FGFR2: variants seen among roughly 807,000 people sequenced by gnomAD.
The protein encoded by FGFR2 is BEK fibroblast growth factor receptor.
FGFR2 carries 19 observed loss-of-function variants against 95.9 expected under a neutral mutation model. The observed-to-expected ratio is 0.20, with a 90% confidence interval of 0.14 to 0.29. FGFR2 has a LOEUF of 0.29. Ranked by LOEUF, FGFR2 falls within the 10% of genes least tolerant of loss-of-function variation. The pLI, the probability that FGFR2 is intolerant of heterozygous loss-of-function variation, is 1.00. For missense variants in FGFR2, 707 were observed against 1,056.9 expected (o/e 0.67, Z 4.59); for synonymous variants, 392 against 393.3 (o/e 1.00, Z 0.04).
At position 121,518,942 on chromosome 10, in the gene FGFR2, C is replaced by A; in HGVS notation, c.939+1037G>T. On this transcript the variant is annotated intron_variant, in intron 7 of 17. Transcript: ENST00000358487. This position sits in a 1 kb window ranked among gnomAD's most constrained non-coding sequence, Gnocchi z 4.0. Reference sequence around the variant, plus strand: ...AACAAACTCCATTACGTCTAAACAGCGGCATTAAAGGGCTGCGGATTTTAA... The same window carrying A: ...AACAAACTCCATTACGTCTAAACAGAGGCATTAAAGGGCTGCGGATTTTAA... 3.0e-6 allele frequency: 4 copies of A among 1,332,636 alleles called. No homozygotes were observed. Among genetic ancestry groups the A allele is most frequent in the East Asian group, 2.3e-5 (1 of 42,840 alleles). The allele number at this position is 1,332,636 out of a possible 1,614,324, so 82.6% of individuals were successfully genotyped here.
intron 14 of FGFR2, among the ~76,000 whole-genome samples, chr10:121,487,652 C>T (rs1845594389): frequency 6.6e-6 from 1 of 152,214 alleles, no homozygotes; most frequent in Admixed American, 6.5e-5. Context: ...ATCTCCCTAG[C>T]ACACAGATGC....
intron 17 of FGFR2, chr10:121,481,976 T>C: frequency 2.3e-6 from 1 of 443,882 alleles, no homozygotes; most frequent in Non-Finnish European, 4.1e-6. Context: ...TAGCTGGGAT[T>C]ACAGGTGCAC....
At chr10:121,543,534 G>T (rs911376541) in intron 5 of FGFR2, among the ~76,000 whole-genome samples, 1 of 151,988 alleles carries the variant, frequency 6.6e-6, no homozygotes, top group African/African-American at 2.4e-5. Flanking sequence ...AACAAAAAAT[G>T]CATAAAATCT....
At chr10:121,581,587 A>G (rs1590080002) in intron 2 of FGFR2, among the ~76,000 whole-genome samples, 3 of 151,438 alleles carry the variant, frequency 2.0e-5, no homozygotes, top group African/African-American at 2.4e-5. Context: ...AAAAAAAAAA[A>G]AAAGAAAAAA....
intron 11 of FGFR2, 35 bp from the exon 12 acceptor site, chr10:121,498,640 T>C (rs1168833637): frequency 6.3e-7 from 1 of 1,575,202 alleles, no homozygotes; most frequent in South Asian, 1.1e-5. Flanking sequence ...AATCAGTTCA[T>C]TTCCTCTAAC....
Position 121,572,019 on chromosome 10 carries a change from C to G in FGFR2, c.110-6315G>C, listed in dbSNP as rs1415206794. Reference sequence around the variant, plus strand: ...AGAGACAGGTACTTGTACAGCTAATCAAAAAATAAATGGGCCAGGCACAGC... The same window carrying G: ...AGAGACAGGTACTTGTACAGCTAATGAAAAAATAAATGGGCCAGGCACAGC... On this transcript the variant is annotated intron_variant, in intron 2 of 17. Transcript: ENST00000358487. Among the ~76,000 whole-genome samples, 22 of 150,076 alleles carry G rather than the reference C, an allele frequency of 1.5e-4. No homozygotes were observed. In the Admixed American group the frequency reaches 1.5e-3, roughly 10 times the overall value.
chr10:121,541,556 A>C (rs1249957279), intron 5 of FGFR2, among the ~76,000 whole-genome samples: 1 of 152,226 alleles, frequency 6.6e-6, no homozygotes, highest in East Asian at 1.9e-4. Flanking sequence ...TAAATTCCTC[A>C]GATTTTCAGT....
chr10:121,567,859 A>G (rs1857935997), intron 2 of FGFR2, among the ~76,000 whole-genome samples: 1 of 152,260 alleles, frequency 6.6e-6, no homozygotes, highest in Non-Finnish European at 1.5e-5. Context: ...TGCAAGCCCT[A>G]CAATATTTGC....
In FGFR2 at chr10:121,496,621, G is replaced by C. The variant is rs141929882; in HGVS notation, c.1774C>G (p.Arg592Gly). The stretch of plus-strand genomic sequence containing the variant: ...AAGGTCATCTGCTCCTCAGGAACAC[G>C]GTTAATGTCATAGGAGTACTCCATC... ...PGMEYSYDINRVPEEQMTFKD... is the reference protein window; with the variant it reads ...PGMEYSYDINGVPEEQMTFKD... The change falls in exon 13 of 18, where the codon CGT (arginine) becomes GGT (glycine). Residue 592 changes from arginine (R) to glycine (G), a missense_variant. This residue lies in a region of FGFR2 where 37 missense variants were observed against 34.1 expected (regional missense o/e 1.09). Transcript: ENST00000358487. 2 of 1,613,198 alleles carry C rather than the reference G, an allele frequency of 1.2e-6. No homozygotes were observed. The highest frequency in any genetic ancestry group is 1.7e-6 in the Non-Finnish European group (2 of 1,179,958).
chr10:121,561,726 G>C (rs1382814557), intron 4 of FGFR2, among the ~76,000 whole-genome samples: 1 of 152,176 alleles, frequency 6.6e-6, no homozygotes, highest in Non-Finnish European at 1.5e-5. Context: ...TGCTCTGCAA[G>C]AGACACTGTC....
intron 1 of FGFR2, among the ~76,000 whole-genome samples, chr10:121,595,564 T>A (rs1432217037): frequency 6.6e-6 from 1 of 152,364 alleles, no homozygotes; most frequent in South Asian, 2.1e-4. Context: ...TCTTAACTTT[T>A]CTTTCCTCTT....
At chr10:121,542,830 G>C (rs1415118174) in intron 5 of FGFR2, among the ~76,000 whole-genome samples, 1 of 152,016 alleles carries the variant, frequency 6.6e-6, no homozygotes, top group Non-Finnish European at 1.5e-5. Flanking sequence ...TAAATCCCAG[G>C]CTACCCTCAG....
chr10:121,485,253 G>T lies in FGFR2; in HGVS notation c.2195+142C>A. 2.7e-6 allele frequency: 3 copies of T among 1,105,538 alleles called. No individual in the cohort carries two copies. The highest frequency in any genetic ancestry group is 1.3e-5 in the South Asian group (1 of 79,722). 68.5% of individuals were successfully genotyped at this position (1,105,538 alleles called of 1,614,324 possible). A position where few individuals can be genotyped will look rare whatever the true frequency, so the allele number is the denominator to read the frequency against. On this transcript the variant is annotated intron_variant, in intron 16 of 17. Coordinates refer to ENST00000358487, the MANE Select transcript of FGFR2 (RefSeq NM_000141.5). The surrounding 1 kb of genome is among the most constrained non-coding windows in gnomAD (Gnocchi z 4.2). ...GGTGTCGCTATGTATCCCAGCTCTG[G>T]ATTGAGCCCAGAGAGCTTCAGCCAT...
chr10:121,570,268 G>A (rs752128447), intron 2 of FGFR2, among the ~76,000 whole-genome samples: 2 of 152,196 alleles, frequency 1.3e-5, no homozygotes, highest in Non-Finnish European at 2.9e-5. Flanking sequence ...GACCTGACCC[G>A]CTGCCCACTC....
At chr10:121,538,043 G>C (rs1399640089) in intron 6 of FGFR2, 2 of 378,944 alleles carry the variant, frequency 5.3e-6, no homozygotes, top group African/African-American at 4.1e-5. Context: ...CATATACATG[G>C]TTCCCTTTGC....
chr10:121,546,597 A>G (rs1035653898), intron 5 of FGFR2, among the ~76,000 whole-genome samples: 1 of 152,248 alleles, frequency 6.6e-6, no homozygotes, highest in Non-Finnish European at 1.5e-5. Context: ...CATTTGAATG[A>G]AAATGAGCTT....
In FGFR2 at chr10:121,492,702, AC is replaced by A. The variant is rs572850903; in HGVS notation, c.1863+3829del. Among the ~76,000 whole-genome samples, 168 of 152,312 alleles carry A rather than the reference AC, an allele frequency of 1.1e-3. 2 individuals carry two copies. The highest frequency in any genetic ancestry group is 3.9e-3 in the Admixed American group (60 of 15,298). On this transcript the variant is annotated intron_variant, in intron 13 of 17. Transcript: ENST00000358487. Reference sequence around the variant, plus strand: ...TTGGAAGCAGAGCCCTCGCAAGGGGACCATGCTTAACATCTTCATCTACCTC... The same window carrying A: ...TTGGAAGCAGAGCCCTCGCAAGGGGACATGCTTAACATCTTCATCTACCTC...
intron 9 of FGFR2, among the ~76,000 whole-genome samples, chr10:121,504,295 C>CCTGG (rs58612240): frequency 0.032 from 4,817 of 152,260 alleles, 224 homozygotes; most frequent in African/African-American, 0.11. Context: ...GTTGTACCTG[C>CCTGG]ACCTGTACTG....
chr10:121,538,773 CT>C, intron 5 of FGFR2, 58 bp from the exon 6 acceptor site: 1 of 1,610,452 alleles, frequency 6.2e-7, no homozygotes, highest in Admixed American at 1.7e-5. Flanking sequence ...ATACCAAGTA[CT>C]GTGCTTTCTT....
Sources: allele counts gnomAD v4.1 joint callset (sites outside exome capture counted in the v4.1 genomes callset), GRCh38; gene constraint gnomAD v4.1.1; regional missense constraint gnomAD v4.1.1; non-coding constraint Gnocchi (gnomAD v3.1); transcripts MANE v1.5; gene names NCBI Gene and HGNC (gene_info 2026-07-23, HGNC 2026-07-21).